GRAP: variants seen among roughly 807,000 people sequenced by gnomAD.
GRAP encodes GRB2-related adapter protein.
In GRAP, 2 loss-of-function variants were observed where a neutral mutation model predicts 9.1. That is an observed-to-expected ratio of 0.22 (90% CI 0.09 to 0.69). GRAP has a LOEUF of 0.69. Ranked by LOEUF, GRAP falls within the 30% of genes least tolerant of loss-of-function variation. GRAP has a pLI of 0.81. For missense variants in GRAP, 113 were observed against 179.4 expected (o/e 0.63, Z 2.12); for synonymous variants, 68 against 73.6 (o/e 0.92, Z 0.39).
rs370564476 is a variant in GRAP at position 19,024,372 on chromosome 17, T to A, written c.311A>T (p.Gln104Leu). The change falls in exon 4 of 5, where the codon CAG (glutamine) becomes CTG (leucine). Residue 104 changes from glutamine to leucine, a missense_variant. Gln to Leu is a moderately radical substitution (Grantham distance 113). This residue lies in a region of GRAP where 113 missense variants were observed against 163.3 expected (regional missense o/e 0.69). Transcript: ENST00000284154. This position sits in a 1 kb window ranked among gnomAD's most constrained non-coding sequence, Gnocchi z 4.2. ...EFSVSVNYGDQVQHFKVLREA... is the reference protein window; with the variant it reads ...EFSVSVNYGDLVQHFKVLREA... ...ACGCAGCACCTTGAAGTGCTGCACC[T>A]GGTCTCCATAGCTAGGGGAAAGGAC... 18 of 1,611,592 alleles carry A rather than the reference T, an allele frequency of 1.1e-5. No homozygotes were observed. Among genetic ancestry groups the A allele is most frequent in the Non-Finnish European group, 1.4e-5 (17 of 1,179,436 alleles).
In GRAP at chr17:19,024,090, G is replaced by A; in HGVS notation, c.468+125C>T. On this transcript the variant is annotated intron_variant, in intron 4 of 4. Transcript: ENST00000284154. The surrounding 1 kb of genome is among the most constrained non-coding windows in gnomAD (Gnocchi z 4.2). ...TCGAAGCCTGGGCTGGACGCCTCTT[G>A]CAATACCAGGCTGCTGGGGAAGTGA... 1 of 949,390 alleles carries A rather than the reference G, an allele frequency of 1.1e-6. No individual in the cohort carries two copies. Among genetic ancestry groups the A allele is most frequent in the African/African-American group, 1.6e-5 (1 of 61,026 alleles). 58.8% of individuals were successfully genotyped at this position (949,390 alleles called of 1,614,324 possible). A position where few individuals can be genotyped will look rare whatever the true frequency, so the allele number is the denominator to read the frequency against.
chr17:19,048,420 A>G (rs2044384870), upstream of GRAP, among the ~76,000 whole-genome samples: 1 of 110,296 alleles, frequency 9.1e-6, no homozygotes, highest in African/African-American at 5.7e-5. Flanking sequence ...GTGAAGTCAC[A>G]TTGTTTTTTT....
chr17:19,023,015 C>T (rs1177102410), intron 4 of GRAP, among the ~76,000 whole-genome samples: 2 of 152,218 alleles, frequency 1.3e-5, no homozygotes, highest in Non-Finnish European at 2.9e-5. Context: ...CTCTCAGTTG[C>T]CCCTGCCCTA....
At chr17:19,023,909 T>C (rs1214528775) in intron 4 of GRAP, among the ~76,000 whole-genome samples, 1 of 152,038 alleles carries the variant, frequency 6.6e-6, no homozygotes, top group Non-Finnish European at 1.5e-5. Context: ...TGAACATTTA[T>C]TGAGCACCTA....
In GRAP at chr17:19,024,599, T is replaced by A. The variant is rs2044298561; in HGVS notation, c.300-216A>T. On this transcript the variant is annotated intron_variant, in intron 3 of 4. Transcript: ENST00000284154. This position sits in a 1 kb window ranked among gnomAD's most constrained non-coding sequence, Gnocchi z 4.2. ...GGAATATGGGGTTAATTTAAGGGTG[T>A]GGGCTCTGAACCAGGCCACTTTCTC... 2 of 326,082 alleles carry A rather than the reference T, an allele frequency of 6.1e-6. No homozygotes were observed. Among genetic ancestry groups the A allele is most frequent in the Non-Finnish European group, 8.8e-6 (2 of 227,030 alleles). 20.2% of individuals were successfully genotyped at this position (326,082 alleles called of 1,614,324 possible). A position where few individuals can be genotyped will look rare whatever the true frequency, so the allele number is the denominator to read the frequency against.
At chr17:19,023,602 A>G (rs922912579) in intron 4 of GRAP, among the ~76,000 whole-genome samples, 1 of 151,514 alleles carries the variant, frequency 6.6e-6, no homozygotes, top group Admixed American at 6.6e-5. Flanking sequence ...AATTGCTGTT[A>G]TTGCAAGGTC....
Position 19,022,268 on chromosome 17 carries a change from G to T in GRAP, c.469-124C>A. On this transcript the variant is annotated intron_variant, in intron 4 of 4. Coordinates refer to ENST00000284154, the MANE Select transcript of GRAP (RefSeq NM_006613.4). The stretch of plus-strand genomic sequence containing the variant: ...AGGGGTCTCGGGCAGCACCGGAGTT[G>T]AACTTTAAGTCCAGATCAATGGTAG... 5.6e-6 allele frequency: 3 copies of T among 537,258 alleles called. No homozygotes were observed. The East Asian group carries it at 1.0e-4, about 18-fold the overall frequency. The allele number at this position is 537,258 out of a possible 1,614,324, so 33.3% of individuals were successfully genotyped here.
At chr17:19,027,480 G>GCA (rs771916548) in intron 3 of GRAP, among the ~76,000 whole-genome samples, 168 of 69,408 alleles carry the variant, frequency 2.4e-3, no homozygotes, top group Middle Eastern at 8.3e-3. Context: ...GCGCGCGCGC[G>GCA]CGCGCACACA....
In GRAP at chr17:19,024,105, TG is replaced by T; in HGVS notation, c.468+109del. The T allele has an allele frequency of 9.1e-7, 1 of 1,096,534 alleles. No homozygotes were observed. The highest frequency in any genetic ancestry group is 1.3e-6 in the Non-Finnish European group (1 of 756,228). 67.9% of individuals were successfully genotyped at this position (1,096,534 alleles called of 1,614,324 possible). A position where few individuals can be genotyped will look rare whatever the true frequency, so the allele number is the denominator to read the frequency against. On this transcript the variant is annotated intron_variant, in intron 4 of 4. Transcript: ENST00000284154. The surrounding 1 kb of genome is among the most constrained non-coding windows in gnomAD (Gnocchi z 4.2). Reference sequence around the variant, plus strand: ...GACGCCTCTTGCAATACCAGGCTGCTGGGGAAGTGAGACCAGGCCCGTGCTT... The same window carrying T: ...GACGCCTCTTGCAATACCAGGCTGCTGGGAAGTGAGACCAGGCCCGTGCTT...
chr17:19,027,475 C>CGT (rs2044316648), intron 3 of GRAP, among the ~76,000 whole-genome samples: 1 of 79,964 alleles, frequency 1.3e-5, no homozygotes, highest in African/African-American at 3.8e-5. Flanking sequence ...CACATGCGCG[C>CGT]GCGCGCGCGC....
At chr17:19,048,227 G>C (rs1248880752), upstream of GRAP, among the ~76,000 whole-genome samples, 3 of 108,894 alleles carry the variant, frequency 2.8e-5, no homozygotes, top group African/African-American at 3.8e-5. Flanking sequence ...TTTGTTATGA[G>C]CAGTGTTATC....
chr17:19,022,038 T>A lies in GRAP; in HGVS notation c.575A>T (p.Asp192Val). The A allele has an allele frequency of 6.3e-7, 1 of 1,596,212 alleles. No individual in the cohort carries two copies. The highest frequency in any genetic ancestry group is 8.5e-7 in the Non-Finnish European group (1 of 1,172,326). The change falls in exon 5 of 5, where the codon GAC (aspartate) becomes GTC (valine). Residue 192 changes from aspartate to valine, a missense_variant. Transcript: ENST00000284154. ...GGACCGGCCCCGCCACCAGTGGGGG[T>A]CTGGGCGCTCCAGGACCTCAATGAT... ...GDIIEVLERP[D>V]PHWWRGRSCG...
chr17:19,022,002 AC>A lies in GRAP; in HGVS notation c.610del (p.Val204LeufsTer59). Reference protein sequence around the residue: ...HWWRGRSCGRVGFFPRSYVQP... With the variant: ...HWWRGRSCGRXGFFPRSYVQP... ...CACGTAACTCCGTGGGAAGAAGCCA[AC>A]GCGCCCGCAGGACCGGCCCCGCCAC... On this transcript the variant is annotated frameshift_variant, in exon 5 of 5. Coordinates refer to ENST00000284154, the MANE Select transcript of GRAP (RefSeq NM_006613.4). LOFTEE classifies it high-confidence loss of function. 1 of 1,592,424 alleles carries A rather than the reference AC, an allele frequency of 6.3e-7. No individual in the cohort carries two copies. The highest frequency in any genetic ancestry group is 8.5e-7 in the Non-Finnish European group (1 of 1,170,918).
At chr17:19,027,525 C>CACACACACACA (rs71155385) in intron 3 of GRAP, among the ~76,000 whole-genome samples, 2 of 142,668 alleles carry the variant, frequency 1.4e-5, no homozygotes, top group Non-Finnish European at 3.1e-5. Flanking sequence ...CACACACACA[C>CACACACACACA]CCCTACCTCT....
At chr17:19,022,871 C>T (rs1016889681) in intron 4 of GRAP, among the ~76,000 whole-genome samples, 2 of 152,202 alleles carry the variant, frequency 1.3e-5, no homozygotes, top group Non-Finnish European at 2.9e-5. Flanking sequence ...AGCAGAGAAG[C>T]TGTAATTAGC....
In GRAP at chr17:19,024,951, A is replaced by G. The variant is rs2044301668; in HGVS notation, c.300-568T>C. Among the ~76,000 whole-genome samples, 1 of 152,106 alleles carries G rather than the reference A, an allele frequency of 6.6e-6. No homozygotes were observed. On this transcript the variant is annotated intron_variant, in intron 3 of 4. Transcript: ENST00000284154. The surrounding 1 kb of genome is among the most constrained non-coding windows in gnomAD (Gnocchi z 4.2). ...TGTCTCACGTCCTCCCCCTCCCATG[A>G]ACCTTCCGTGGCTTCTCCCTTGGCC...
chr17:19,049,428 A>AT (rs1283252282), upstream of GRAP, among the ~76,000 whole-genome samples: 1 of 13,816 alleles, frequency 7.2e-5, no homozygotes, highest in African/African-American at 1.7e-4. Context: ...AGGACCCCAC[A>AT]AATGGGACTT....
chr17:19,027,484 G>GCACACACACA (rs776285201), intron 3 of GRAP, among the ~76,000 whole-genome samples: 227 of 121,198 alleles, frequency 1.9e-3, no homozygotes, highest in African/African-American at 3.1e-3. Flanking sequence ...GCGCGCGCGC[G>GCACACACACA]CACACACACA....
Position 19,027,469 on chromosome 17 carries a change from TGCGC to T in GRAP, c.300-3090_300-3087del, listed in dbSNP as rs756824381. Among the ~76,000 whole-genome samples the T allele has an allele frequency of 7.7e-3, 965 of 125,644 alleles. 3 individuals are homozygous for T. Among genetic ancestry groups the T allele is most frequent in the African/African-American group, 0.027 (842 of 31,694 alleles). 82.4% of individuals were successfully genotyped at this position (125,644 alleles called of 152,430 possible). A position where few individuals can be genotyped will look rare whatever the true frequency, so the allele number is the denominator to read the frequency against. ...GCACTTGATGCCTTGATGGGACACA[TGCGC>T]GCGCGCGCGCGCACACACACACACA... On this transcript the variant is annotated intron_variant, in intron 3 of 4. Coordinates refer to ENST00000284154, the MANE Select transcript of GRAP (RefSeq NM_006613.4).
Sources: allele counts gnomAD v4.1 joint callset (sites outside exome capture counted in the v4.1 genomes callset), GRCh38; gene constraint gnomAD v4.1.1; regional missense constraint gnomAD v4.1.1; non-coding constraint Gnocchi (gnomAD v3.1); transcripts MANE v1.5; gene names NCBI Gene and HGNC (gene_info 2026-07-23, HGNC 2026-07-21).